The following KIRREL3 variants were observed in gnomAD, a reference collection of about 807,000 sequenced individuals.
KIRREL3 encodes kirre like nephrin family adhesion molecule 3.
Under a neutral mutation model 89.7 loss-of-function variants are expected in KIRREL3, and 36 were observed. The observed-to-expected ratio is 0.40, with a 90% CI of 0.31 to 0.53. The LOEUF (loss-of-function observed/expected upper bound fraction) is 0.53, where lower values mean the gene tolerates loss of function less well. Among genes scored for constraint, KIRREL3 ranks in the 20% least tolerant of loss-of-function variants. KIRREL3 has a pLI of 0.49. For missense variants in KIRREL3, 864 were observed against 1,056.6 expected, an observed-to-expected ratio of 0.82 and a Z score of 2.53; for synonymous variants, 445 against 441.4, an observed-to-expected ratio of 1.01 and a Z score of -0.10.
chr11:126,586,946 T>G (rs1021501541), intron 1 of KIRREL3, among the ~76,000 whole-genome samples: 2 of 152,124 alleles, frequency 1.3e-5, no homozygotes, highest in East Asian at 3.9e-4. Context: ...GTTCGAAGGC[T>G]TGGGATGGTG....
rs1958654346 is a variant in KIRREL3, at chr11:126,523,350, G to A, written c.284-1886C>T. On this transcript the variant is annotated intron_variant, in intron 3 of 16. Transcript: ENST00000525144. This position sits in a 1 kb window ranked among gnomAD's most constrained non-coding sequence, Gnocchi z 4.9. ...TTCTGGAGGTGGGGCAGGCCTCCCTGGGGGTGGGCTGTACAACGGGCCACC... is the reference window on the plus strand; with the variant it reads ...TTCTGGAGGTGGGGCAGGCCTCCCTAGGGGTGGGCTGTACAACGGGCCACC... Among the ~76,000 whole-genome samples, 1 of 152,282 alleles carries A rather than the reference G, an allele frequency of 6.6e-6. No individual in the cohort carries two copies.
In KIRREL3 at chr11:126,636,338, A is replaced by G. The variant is rs911855539; in HGVS notation, c.56-73426T>C. Among the ~76,000 whole-genome samples, 5 of 152,200 alleles carry G rather than the reference A, an allele frequency of 3.3e-5. No individual in the cohort carries two copies. Among genetic ancestry groups the G allele is most frequent in the Non-Finnish European group, 7.3e-5 (5 of 68,034 alleles). On this transcript the variant is annotated intron_variant, in intron 1 of 16. Coordinates refer to ENST00000525144, the MANE Select transcript of KIRREL3 (RefSeq NM_032531.4). The surrounding 1 kb of genome is among the most constrained non-coding windows in gnomAD (Gnocchi z 4.4). ...CATTTCAAAGAATTGGGAGGATAAA[A>G]TTAAGAGACTGGTAACCCAGCATCT...
intron 1 of KIRREL3, chr11:126,936,590 C>T (rs1181166094): frequency 2.7e-5 from 4 of 147,986 alleles, no homozygotes; most frequent in Admixed American, 6.7e-5. Context: ...ATATTGAATG[C>T]ATATTGATGC....
intron 11 of KIRREL3, among the ~76,000 whole-genome samples, chr11:126,437,506 T>C (rs1955400913): frequency 6.6e-6 from 1 of 151,500 alleles, no homozygotes; most frequent in South Asian, 2.1e-4. Context: ...ACAACACACA[T>C]AAACATGCAT....
chr11:126,471,841 A>G lies in KIRREL3; in HGVS notation c.591+1468T>C, dbSNP rs1191928855. Among the ~76,000 whole-genome samples, 1 of 152,238 alleles carries G rather than the reference A, an allele frequency of 6.6e-6. No homozygotes were observed. Among genetic ancestry groups the G allele is most frequent in the Non-Finnish European group, 1.5e-5 (1 of 68,038 alleles). The stretch of plus-strand genomic sequence containing the variant: ...CAGATGTCAAAGCATCATAAAATAC[A>G]CAACATTTTAAAGACACAATTAATA... On this transcript the variant is annotated intron_variant, in intron 5 of 16. Coordinates refer to ENST00000525144, the MANE Select transcript of KIRREL3 (RefSeq NM_032531.4). This position sits in a 1 kb window ranked among gnomAD's most constrained non-coding sequence, Gnocchi z 5.4.
Position 126,972,168 on chromosome 11 carries a change from TAG to T in KIRREL3, c.55+28285_55+28286del, listed in dbSNP as rs61426707. Among the ~76,000 whole-genome samples the T allele has an allele frequency of 9.0e-3, 1,073 of 119,860 alleles. 17 individuals carry two copies. The highest frequency in any genetic ancestry group is 0.021 in the African/African-American group (724 of 34,560). The allele number at this position is 119,860 out of a possible 152,430, so 78.6% of individuals were successfully genotyped here. On this transcript the variant is annotated intron_variant, in intron 1 of 16. Coordinates refer to ENST00000525144, the MANE Select transcript of KIRREL3 (RefSeq NM_032531.4). Reference sequence around the variant, plus strand: ...CTGGTGCCTATGCAAGAGGGTCTGGTAGAGAGAGAGAGAGAGAGAGAGAGAGA... The same window carrying T: ...CTGGTGCCTATGCAAGAGGGTCTGGTAGAGAGAGAGAGAGAGAGAGAGAGA...
At chr11:126,921,536 T>C (rs984835614) in intron 1 of KIRREL3, among the ~76,000 whole-genome samples, 6 of 141,600 alleles carry the variant, frequency 4.2e-5, no homozygotes, top group African/African-American at 1.5e-4. Context: ...TGTCTGTCTT[T>C]CTTTTTCTTT....
intron 4 of KIRREL3, among the ~76,000 whole-genome samples, chr11:126,517,696 C>T (rs1958462956): frequency 6.6e-6 from 1 of 152,202 alleles, no homozygotes; most frequent in South Asian, 2.1e-4. Flanking sequence ...GCCCAATTTC[C>T]TAAAATAGTT....
chr11:126,547,831 A>T (rs533190053), intron 2 of KIRREL3, among the ~76,000 whole-genome samples: 3 of 152,278 alleles, frequency 2.0e-5, no homozygotes, highest in Non-Finnish European at 4.4e-5. Context: ...AAGTCACCCT[A>T]TCCTCGTCGC....
At position 126,812,546 on chromosome 11, in the gene KIRREL3, G is replaced by A. The variant is rs751271144; in HGVS notation, c.55+187909C>T. The stretch of plus-strand genomic sequence containing the variant: ...ACTCCAGTACTCCGCACGGTGTCTG[G>A]CACACAGTAGGCACTTCACAAATGC... On this transcript the variant is annotated intron_variant, in intron 1 of 16. Transcript: ENST00000525144. The surrounding 1 kb of genome is among the most constrained non-coding windows in gnomAD (Gnocchi z 5.2). Among the ~76,000 whole-genome samples the A allele has an allele frequency of 5.3e-5, 8 of 152,150 alleles. No individual in the cohort carries two copies. The highest frequency in any genetic ancestry group is 1.0e-4 in the Non-Finnish European group (7 of 68,038).
chr11:126,924,211 C>T lies in KIRREL3; in HGVS notation c.55+76244G>A, dbSNP rs1240512684. On this transcript the variant is annotated intron_variant, in intron 1 of 16. Transcript: ENST00000525144. The surrounding 1 kb of genome is among the most constrained non-coding windows in gnomAD (Gnocchi z 4.7). ...CCCTTTCCCTGGCTCAGGCCACCAT[C>T]ACCTTTGACCTGAATGCATCCACGC... Among the ~76,000 whole-genome samples, 80 of 152,200 alleles carry T rather than the reference C, an allele frequency of 5.3e-4. 1 individual carries two copies. Among genetic ancestry groups the T allele is most frequent in the Non-Finnish European group, 5.9e-5 (4 of 68,028 alleles).
chr11:126,860,981 C>G lies in KIRREL3; in HGVS notation c.55+139474G>C, dbSNP rs1161528431. Among the ~76,000 whole-genome samples the G allele has an allele frequency of 6.6e-6, 1 of 152,136 alleles. No homozygotes were observed. The highest frequency in any genetic ancestry group is 1.5e-5 in the Non-Finnish European group (1 of 68,036). ...CAAACAAATTCTCCCTCCTTTGTGC[C>G]CTCCTGCTTTATGTGTGTAGCCTTT... On this transcript the variant is annotated intron_variant, in intron 1 of 16. Coordinates refer to ENST00000525144, the MANE Select transcript of KIRREL3 (RefSeq NM_032531.4). The surrounding 1 kb of genome is among the most constrained non-coding windows in gnomAD (Gnocchi z 4.6).
At chr11:126,861,158 T>C (rs1261780387) in intron 1 of KIRREL3, among the ~76,000 whole-genome samples, 1 of 152,202 alleles carries the variant, frequency 6.6e-6, no homozygotes. Flanking sequence ...GGAAAATTAA[T>C]TTACCTCTTT....
chr11:126,491,358 G>T lies in KIRREL3; in HGVS notation c.434-17892C>A, dbSNP rs1957508573. On this transcript the variant is annotated intron_variant, in intron 4 of 16. Transcript: ENST00000525144. This position sits in a 1 kb window ranked among gnomAD's most constrained non-coding sequence, Gnocchi z 5.5. ...TGAGCGGGTGCTTTATTGTGTGATG[G>T]GTGGGGACACTTGCTCTCAGGGGGA... Among the ~76,000 whole-genome samples, 1 of 152,146 alleles carries T rather than the reference G, an allele frequency of 6.6e-6. No homozygotes were observed. The highest frequency in any genetic ancestry group is 2.1e-4 in the South Asian group (1 of 4,830).
chr11:126,732,930 C>T (rs1948679943), intron 1 of KIRREL3, among the ~76,000 whole-genome samples: 1 of 152,186 alleles, frequency 6.6e-6, no homozygotes, highest in Non-Finnish European at 1.5e-5. Flanking sequence ...AGGGCTTGCC[C>T]TCCCATTGTA....
rs1957662282 is a variant in KIRREL3, at chr11:126,496,590, A to T, written c.434-23124T>A. 6.6e-6 allele frequency among the ~76,000 whole-genome samples: 1 copy of T among 152,116 alleles called. No individual in the cohort carries two copies. Among genetic ancestry groups the T allele is most frequent in the Non-Finnish European group, 1.5e-5 (1 of 68,016 alleles). On this transcript the variant is annotated intron_variant, in intron 4 of 16. Transcript: ENST00000525144. The surrounding 1 kb of genome is among the most constrained non-coding windows in gnomAD (Gnocchi z 4.9). ...TGGAGGCAAAGGGAAGGAAGACCAC[A>T]TCCACAGGGTCTTGGGAGGTGGGGT... is the stretch of plus-strand genomic sequence containing the variant.
rs1263340357 is a variant in KIRREL3 at position 126,521,686 on chromosome 11, G to C, written c.284-222C>G. On this transcript the variant is annotated intron_variant, in intron 3 of 16. Transcript: ENST00000525144. The surrounding 1 kb of genome is among the most constrained non-coding windows in gnomAD (Gnocchi z 4.1). ...TCTCTCTCTCTCTGTATGTGTGTGT[G>C]TGTGTGTGTGTGTGTGTGTGTGTGT... Among the ~76,000 whole-genome samples, 423 of 4,814 alleles carry C rather than the reference G, an allele frequency of 0.088. 1 individual carries two copies. The highest frequency in any genetic ancestry group is 0.31 in the African/African-American group (388 of 1,240). The allele number at this position is 4,814 out of a possible 152,430, so 3.2% of individuals were successfully genotyped here.
chr11:126,879,331 C>T lies in KIRREL3; in HGVS notation c.55+121124G>A, dbSNP rs1002911962. On this transcript the variant is annotated intron_variant, in intron 1 of 16. Transcript: ENST00000525144. The surrounding 1 kb of genome is among the most constrained non-coding windows in gnomAD (Gnocchi z 5.4). ...TCCAGAAAGGATTAATATACACTAA[C>T]GTGGAATTACTGAACCGTCACACAC... Among the ~76,000 whole-genome samples, 6 of 152,158 alleles carry T rather than the reference C, an allele frequency of 3.9e-5. No individual in the cohort carries two copies. Among genetic ancestry groups the T allele is most frequent in the African/African-American group, 7.2e-5 (3 of 41,444 alleles).
Position 126,993,635 on chromosome 11 carries a change from T to C in KIRREL3, c.55+6820A>G, listed in dbSNP as rs890442672. 6.6e-6 allele frequency among the ~76,000 whole-genome samples: 1 copy of C among 152,212 alleles called. No homozygotes were observed. The highest frequency in any genetic ancestry group is 2.4e-5 in the African/African-American group (1 of 41,442). ...TGGGGCAGAAACATGGTCTTCATTATCTTTGCATCAAAAGCCCCAGCACAG... is the reference window on the plus strand; with the variant it reads ...TGGGGCAGAAACATGGTCTTCATTACCTTTGCATCAAAAGCCCCAGCACAG... On this transcript the variant is annotated intron_variant, in intron 1 of 16. Coordinates refer to ENST00000525144, the MANE Select transcript of KIRREL3 (RefSeq NM_032531.4). The surrounding 1 kb of genome is among the most constrained non-coding windows in gnomAD (Gnocchi z 6.1).
Sources: gnomAD v4.1 joint callset for allele counts (sites outside exome capture counted in the v4.1 genomes callset) on GRCh38, gnomAD v4.1.1 for gene constraint, Gnocchi (gnomAD v3.1) non-coding constraint, MANE v1.5 for transcripts, NCBI Gene and HGNC (gene_info 2026-07-23, HGNC 2026-07-21) for gene names.